STOX2: variants seen among roughly 807,000 people sequenced by gnomAD.
STOX2 encodes storkhead box 2.
STOX2 carries 28 observed loss-of-function variants against 60.9 expected under a neutral mutation model. The ratio of observed to expected loss-of-function variants is 0.46; its 90% confidence interval spans 0.34 to 0.63. STOX2 has a LOEUF of 0.63. STOX2 is among the 30% of genes least tolerant of loss of function. The pLI is 0.01. For missense variants in STOX2, 1,024 were observed against 1,187.7 expected, an observed-to-expected ratio of 0.86 and a Z score of 2.03; for synonymous variants, 472 against 463.9, an observed-to-expected ratio of 1.02 and a Z score of -0.22.
chr4:183,972,429 T>G (rs1743772056), intron 1 of STOX2, among the ~76,000 whole-genome samples: 1 of 152,204 alleles, frequency 6.6e-6, no homozygotes, highest in Admixed American at 6.5e-5. Flanking sequence ...TAAAATATTG[T>G]ATGAACTCCT....
Position 183,905,635 on chromosome 4 carries a change from A to G in STOX2, c.-1156A>G, listed in dbSNP as rs1741571417. 6.6e-6 allele frequency: 1 copy of G among 152,250 alleles called. No homozygotes were observed. The highest frequency in any genetic ancestry group is 1.5e-5 in the Non-Finnish European group (1 of 68,084). 9.4% of individuals were successfully genotyped at this position (152,250 alleles called of 1,614,324 possible). On this transcript the variant is annotated 5_prime_UTR_variant, in exon 1 of 4. In the 5' UTR this introduces an upstream ATG that the reference lacks. Coordinates refer to ENST00000308497, the MANE Select transcript of STOX2 (RefSeq NM_020225.3). ...GGGACCATCCTAAAAATATGTAAAT[A>G]TCCAAGCGCTGGCTCCAGGCTGGGG...
Position 183,970,773 on chromosome 4 carries a change from C to T in STOX2, c.167-30552C>T, listed in dbSNP as rs115494615. On this transcript the variant is annotated intron_variant, in intron 1 of 3. Coordinates refer to ENST00000308497, the MANE Select transcript of STOX2 (RefSeq NM_020225.3). ...AGAAAGTTTATCTATTACCCATAAA[C>T]CTTTTCTTGCAAATCTGCTCATGCT... Among the ~76,000 whole-genome samples, 941 of 152,344 alleles carry T rather than the reference C, an allele frequency of 6.2e-3. 13 individuals are homozygous for T. Among genetic ancestry groups the T allele is most frequent in the African/African-American group, 0.022 (916 of 41,582 alleles).
At chr4:183,799,316 AG>A (rs889257118) in intron 1 of STOX2, among the ~76,000 whole-genome samples, 1 of 152,204 alleles carries the variant, frequency 6.6e-6, no homozygotes, top group African/African-American at 2.4e-5. Context: ...GACTTTAGCA[AG>A]AACCTCAGTC....
At chr4:183,868,224 AAGG>A (rs1740616255) in intron 1 of STOX2, among the ~76,000 whole-genome samples, 2 of 152,042 alleles carry the variant, frequency 1.3e-5, no homozygotes, top group Admixed American at 1.3e-4. Context: ...CATTTTTAGA[AAGG>A]AGGCCAGAAT....
chr4:183,923,087 A>T (rs79102890), intron 1 of STOX2, among the ~76,000 whole-genome samples: 4,793 of 152,288 alleles, frequency 0.031, 245 homozygotes, highest in African/African-American at 0.11. Context: ...TGCTGTGCAC[A>T]CAGGTGTACA....
intron 1 of STOX2, among the ~76,000 whole-genome samples, chr4:183,896,949 G>A (rs1361599460): frequency 6.6e-6 from 1 of 152,118 alleles, no homozygotes; most frequent in Non-Finnish European, 1.5e-5. Context: ...GTCATTTGGG[G>A]GTTAGTTAAA....
At chr4:183,984,865 G>A (rs769050831) in intron 1 of STOX2, among the ~76,000 whole-genome samples, 13 of 152,188 alleles carry the variant, frequency 8.5e-5, no homozygotes, top group Admixed American at 7.8e-4. Flanking sequence ...GGGCCAGGAG[G>A]AGGACTGCTA....
chr4:183,865,943 G>GA lies in STOX2; in HGVS notation c.364+67893dup, dbSNP rs1033892359. ...TGGCGTGATAAAGATTAGGCTTTAGGAAAAATGGAAGACGGAGTTGACACA... is the reference window on the plus strand; with the variant it reads ...TGGCGTGATAAAGATTAGGCTTTAGGAAAAAATGGAAGACGGAGTTGACACA... On this transcript the variant is annotated intron_variant, in intron 1 of 2. Coordinates refer to the STOX2 transcript ENST00000513034. This position sits in a 1 kb window ranked among gnomAD's most constrained non-coding sequence, Gnocchi z 4.1. Among the ~76,000 whole-genome samples the GA allele has an allele frequency of 2.6e-5, 4 of 152,078 alleles. No individual in the cohort carries two copies. The highest frequency in any genetic ancestry group is 7.2e-5 in the African/African-American group (3 of 41,416).
intron 1 of STOX2, among the ~76,000 whole-genome samples, chr4:183,805,001 C>T (rs746970767): frequency 5.9e-5 from 9 of 152,324 alleles, no homozygotes; most frequent in Non-Finnish European, 1.2e-4. Context: ...GCTCATTAAA[C>T]TGAAACGGTG....
chr4:183,829,101 A>G (rs1739501726), intron 1 of STOX2, among the ~76,000 whole-genome samples: 1 of 152,252 alleles, frequency 6.6e-6, no homozygotes, highest in Non-Finnish European at 1.5e-5. Context: ...GCCAATTAGC[A>G]TTAAGAAACA....
intron 1 of STOX2, among the ~76,000 whole-genome samples, chr4:183,954,719 C>T (rs983755666): frequency 2.6e-5 from 4 of 152,132 alleles, no homozygotes; most frequent in African/African-American, 9.7e-5. Context: ...TGCCTGATCG[C>T]TTCCCCACCA....
At chr4:183,912,902 A>G (rs1741821844) in intron 1 of STOX2, among the ~76,000 whole-genome samples, 1 of 152,232 alleles carries the variant, frequency 6.6e-6, no homozygotes, top group African/African-American at 2.4e-5. Context: ...TATGTATGCT[A>G]AGATCCTACT....
At chr4:184,014,785 G>A (rs975474326) in intron 3 of STOX2, 77 of 152,122 alleles carry the variant, frequency 5.1e-4, no homozygotes, top group African/African-American at 1.6e-3. Flanking sequence ...CTATTAATAT[G>A]TTGGCTGTGA....
intron 3 of STOX2, among the ~76,000 whole-genome samples, chr4:184,016,622 C>T (rs1734387736): frequency 1.3e-5 from 2 of 152,178 alleles, no homozygotes; most frequent in African/African-American, 4.8e-5. Flanking sequence ...AAGTCCCCCA[C>T]AGTCGAAATC....
intron 1 of STOX2, among the ~76,000 whole-genome samples, chr4:183,876,675 C>T (rs1448872419): frequency 6.6e-6 from 1 of 152,160 alleles, no homozygotes; most frequent in Non-Finnish European, 1.5e-5. Context: ...CCGTAGGGGA[C>T]CCAGCACCTC....
At chr4:183,810,049 TTTTACCTATGAA>T (rs1739000310) in intron 1 of STOX2, among the ~76,000 whole-genome samples, 1 of 152,218 alleles carries the variant, frequency 6.6e-6, no homozygotes, top group Admixed American at 6.5e-5. Flanking sequence ...TCACTGCCAT[TTTTACCTATGAA>T]GAATTAACTT....
At position 183,931,730 on chromosome 4, in the gene STOX2, C is replaced by T. The variant is rs151254122; in HGVS notation, c.166+24774C>T. 2.7e-3 allele frequency among the ~76,000 whole-genome samples: 418 copies of T among 152,076 alleles called. 12 individuals are homozygous for T. The highest frequency in any genetic ancestry group is 0.025 in the Admixed American group (377 of 15,270). ...GACCTTATAAACTGGCATGCTGGGGCCAGTGAAAGAGGGCACTATTAATAA... is the reference window on the plus strand; with the variant it reads ...GACCTTATAAACTGGCATGCTGGGGTCAGTGAAAGAGGGCACTATTAATAA... On this transcript the variant is annotated intron_variant, in intron 1 of 3. Transcript: ENST00000308497.
At chr4:183,905,101 C>G (rs992058677), upstream of STOX2, among the ~76,000 whole-genome samples, 2 of 152,242 alleles carry the variant, frequency 1.3e-5, no homozygotes, top group African/African-American at 4.8e-5. Flanking sequence ...AAACCCAAAT[C>G]GAGGAGATAA....
rs570058141 is a variant in STOX2, at chr4:183,966,578, G to A, written c.167-34747G>A. 9.5e-4 allele frequency among the ~76,000 whole-genome samples: 144 copies of A among 152,282 alleles called. 2 individuals carry two copies. In the South Asian group the frequency reaches 0.029, roughly 31 times the overall value. ...CAGGGGTGGTGATGACTCAGGCTACGCCACACATTCACCTTAACCTTCATG... is the reference window on the plus strand; with the variant it reads ...CAGGGGTGGTGATGACTCAGGCTACACCACACATTCACCTTAACCTTCATG... On this transcript the variant is annotated intron_variant, in intron 1 of 3. Coordinates refer to ENST00000308497, the MANE Select transcript of STOX2 (RefSeq NM_020225.3).
Sources: allele counts gnomAD v4.1 joint callset (sites outside exome capture counted in the v4.1 genomes callset), GRCh38; gene constraint gnomAD v4.1.1; non-coding constraint Gnocchi (gnomAD v3.1); transcripts MANE v1.5; gene names NCBI Gene and HGNC (gene_info 2026-07-23, HGNC 2026-07-21).